PPM1E: variants seen among roughly 807,000 people sequenced by gnomAD.
PPM1E encodes protein phosphatase, Mg2+/Mn2+ dependent 1E.
In PPM1E, 20 loss-of-function variants were observed where a neutral mutation model predicts 65.9. The observed-to-expected ratio is 0.30, with a 90% CI of 0.21 to 0.44. The LOEUF (loss-of-function observed/expected upper bound fraction) is 0.44, where lower values mean the gene tolerates loss of function less well. Ranked by LOEUF, PPM1E falls within the 20% of genes least tolerant of loss-of-function variation. The pLI is 1.00. For synonymous variants in PPM1E, 352 were observed against 374.9 expected, an observed-to-expected ratio of 0.94 and a Z score of 0.70; for missense variants, 713 against 953.1, an observed-to-expected ratio of 0.75 and a Z score of 3.32.
intron 1 of PPM1E, among the ~76,000 whole-genome samples, chr17:58,839,793 G>A (rs2050699532): frequency 6.6e-6 from 1 of 152,154 alleles, no homozygotes; most frequent in Admixed American, 6.6e-5. Flanking sequence ...GACCCATGTG[G>A]TAATGGATTA....
At chr17:58,949,303 A>G (rs1299751383) in intron 1 of PPM1E, among the ~76,000 whole-genome samples, 1 of 152,184 alleles carries the variant, frequency 6.6e-6, no homozygotes, top group East Asian at 1.9e-4. Flanking sequence ...AGCTGATATA[A>G]ATATAGCTTT....
rs190664872 is a variant in PPM1E at position 58,941,433 on chromosome 17, G to A, written c.465-14216G>A. 2.6e-4 allele frequency among the ~76,000 whole-genome samples: 39 copies of A among 151,446 alleles called. No individual in the cohort carries two copies. The East Asian group carries it at 4.9e-3, about 19-fold the overall frequency. ...GGTCATGCTGGGTGCAGTGGCTCACGCCTGTAATCCCAGCACTTTGGGAGG... is the reference window on the plus strand; with the variant it reads ...GGTCATGCTGGGTGCAGTGGCTCACACCTGTAATCCCAGCACTTTGGGAGG... On this transcript the variant is annotated intron_variant, in intron 1 of 6. Transcript: ENST00000308249.
intron 1 of PPM1E, among the ~76,000 whole-genome samples, chr17:58,789,312 C>T (rs529780198): frequency 6.6e-6 from 1 of 152,246 alleles, no homozygotes; most frequent in African/African-American, 2.4e-5. Context: ...CAGGCTCATA[C>T]CTCATTCTTT....
chr17:58,806,944 A>G (rs2050321935), intron 1 of PPM1E, among the ~76,000 whole-genome samples: 2 of 151,188 alleles, frequency 1.3e-5, no homozygotes, highest in African/African-American at 4.9e-5. Flanking sequence ...TGACCTCGTG[A>G]TCCACCTGCC....
At chr17:58,923,179 T>C (rs1180245223) in intron 1 of PPM1E, among the ~76,000 whole-genome samples, 1 of 145,644 alleles carries the variant, frequency 6.9e-6, no homozygotes, top group Non-Finnish European at 1.5e-5. Flanking sequence ...CAGCTACTCA[T>C]GAGGCTGAGA....
intron 1 of PPM1E, among the ~76,000 whole-genome samples, chr17:58,830,298 A>G (rs1035311011): frequency 2.0e-4 from 30 of 149,406 alleles, no homozygotes; most frequent in Middle Eastern, 3.5e-3. Context: ...TGTTGTTATT[A>G]TTATTATTAT....
intron 1 of PPM1E, among the ~76,000 whole-genome samples, chr17:58,873,337 TTTTC>T (rs1300998828): frequency 1.3e-5 from 2 of 152,092 alleles, no homozygotes; most frequent in African/African-American, 2.4e-5. Context: ...AAGCAGAATC[TTTTC>T]TTTGTTTTAA....
intron 1 of PPM1E, among the ~76,000 whole-genome samples, chr17:58,925,833 T>A (rs966846437): frequency 2.6e-5 from 4 of 152,198 alleles, no homozygotes; most frequent in Non-Finnish European, 4.4e-5. Context: ...AGGTATAGCA[T>A]GGGTTTCAGA....
intron 1 of PPM1E, among the ~76,000 whole-genome samples, chr17:58,908,789 T>G (rs1158627284): frequency 2.0e-5 from 3 of 152,142 alleles, no homozygotes; most frequent in Non-Finnish European, 4.4e-5. Flanking sequence ...CATATACAGT[T>G]ATAAGTAATT....
At chr17:58,955,628 C>A in intron 1 of PPM1E, 21 bp from the exon 2 acceptor site, 3 of 1,611,592 alleles carry the variant, frequency 1.9e-6, no homozygotes, top group Non-Finnish European at 2.5e-6. Context: ...TGAAAATGGC[C>A]TTTTATCTTT....
Position 58,762,871 on chromosome 17 carries a change from CT to C in PPM1E, c.464+6411del, listed in dbSNP as rs760220686. On this transcript the variant is annotated intron_variant, in intron 1 of 6. Transcript: ENST00000308249. ...CGAGATCCCGCCACTGCACTCCAGC[CT>C]GGGCGACAGAGCGAGACTCCGTCTC... 5.6e-3 allele frequency among the ~76,000 whole-genome samples: 824 copies of C among 147,974 alleles called. 5 individuals are homozygous for C. The highest frequency in any genetic ancestry group is 9.5e-3 in the Non-Finnish European group (641 of 67,472).
intron 1 of PPM1E, among the ~76,000 whole-genome samples, chr17:58,758,985 G>T (rs1023741234): frequency 1.3e-5 from 2 of 152,056 alleles, no homozygotes; most frequent in African/African-American, 2.4e-5. Flanking sequence ...CACAAGAATC[G>T]CTTGAACCCA....
intron 1 of PPM1E, among the ~76,000 whole-genome samples, chr17:58,909,919 T>C (rs1477850301): frequency 8.7e-6 from 1 of 114,350 alleles, no homozygotes; most frequent in African/African-American, 3.3e-5. Flanking sequence ...TTCTTTTTTC[T>C]TTTTCTTTTT....
At chr17:58,887,163 T>C (rs896307194) in intron 1 of PPM1E, among the ~76,000 whole-genome samples, 23 of 42,408 alleles carry the variant, frequency 5.4e-4, no homozygotes, top group Non-Finnish European at 1.0e-3. Context: ...GGCCTTCTTC[T>C]TTTTTTTTTT....
chr17:58,839,876 G>A (rs1174810173), intron 1 of PPM1E, among the ~76,000 whole-genome samples: 1 of 152,092 alleles, frequency 6.6e-6, no homozygotes, highest in Non-Finnish European at 1.5e-5. Context: ...ATGGGTATGT[G>A]CACAAGTTAG....
rs1385435386 is a variant in PPM1E, at chr17:58,845,781, A to G, written c.464+89320A>G. Among the ~76,000 whole-genome samples, 6 of 152,302 alleles carry G rather than the reference A, an allele frequency of 3.9e-5. No homozygotes were observed. In the East Asian group the frequency reaches 9.6e-4, roughly 24 times the overall value. On this transcript the variant is annotated intron_variant, in intron 1 of 6. Transcript: ENST00000308249. ...CTGCAACCTCCTCCTCCCACGTTCA[A>G]GAGATTCTGCTGCCTCAGCCTCCCA...
intron 1 of PPM1E, among the ~76,000 whole-genome samples, chr17:58,928,856 C>T (rs2051857669): frequency 6.6e-6 from 1 of 151,996 alleles, no homozygotes; most frequent in African/African-American, 2.4e-5. Flanking sequence ...GCGCCCACCA[C>T]CACGCCCGGC....
chr17:58,926,281 G>A (rs958937662), intron 1 of PPM1E, among the ~76,000 whole-genome samples: 8 of 151,406 alleles, frequency 5.3e-5, no homozygotes, highest in Admixed American at 1.3e-4. Context: ...GCAGTAAGCC[G>A]AGGTTGCACC....
chr17:58,766,606 T>TAC (rs36067765), intron 1 of PPM1E, among the ~76,000 whole-genome samples: 3,114 of 123,644 alleles, frequency 0.025, 34 homozygotes, highest in Non-Finnish European at 0.028. Flanking sequence ...TGTGTGTGTA[T>TAC]ACACACACAC....
Sources: allele counts gnomAD v4.1 joint callset (sites outside exome capture counted in the v4.1 genomes callset), GRCh38; gene constraint gnomAD v4.1.1; transcripts MANE v1.5; gene names NCBI Gene and HGNC (gene_info 2026-07-23, HGNC 2026-07-21).